The following DIPK1C variants were observed in gnomAD, a reference collection of about 807,000 sequenced individuals.
DIPK1C encodes divergent protein kinase domain 1C.
A neutral mutation model predicts 28.0 loss-of-function variants in DIPK1C; 33 were observed. That is an observed-to-expected ratio of 1.18 (90% CI 0.89 to 1.58). The LOEUF is 1.58. Ranked by LOEUF, DIPK1C falls within the 40% of genes most tolerant of loss-of-function variation. The probability of loss-of-function intolerance (pLI) is 0.00; values close to 1 mark genes in which losing one functional copy is unlikely to be tolerated. For missense variants in DIPK1C, 569 were observed against 568.5 expected, an observed-to-expected ratio of 1.00 and a Z score of -0.01; for synonymous variants, 255 against 248.8, an observed-to-expected ratio of 1.02 and a Z score of -0.23.
the DIPK1C span, among the ~76,000 whole-genome samples, chr18:74,464,513 C>A: frequency 6.6e-6 from 1 of 152,234 alleles, no homozygotes. Context: ...AATAAACTTA[C>A]ACTTGGCACG....
At position 74,446,644 on chromosome 18, in the gene DIPK1C, T is replaced by A; in HGVS notation, c.838A>T (p.Ile280Phe). The A allele has an allele frequency of 2.0e-6, 3 of 1,475,578 alleles. No homozygotes were observed. The highest frequency in any genetic ancestry group is 2.7e-6 in the Non-Finnish European group (3 of 1,110,878). The allele number at this position is 1,475,578 out of a possible 1,614,324, so 91.4% of individuals were successfully genotyped here. The stretch of plus-strand genomic sequence containing the variant: ...CGGATGGCAAAGTTTTCCGGCTTGA[T>A]GTCGCAGAGGTGGAGGCGGTGGGAA... ...DFSHRLHLCD[I>F]KPENFAIRSD... The change falls in exon 2 of 4, where the codon ATC (isoleucine) becomes TTC (phenylalanine). Residue 280 changes from isoleucine (I) to phenylalanine (F), a missense_variant. Ile to Phe is a conservative substitution (Grantham distance 21). Coordinates refer to ENST00000343998, the MANE Select transcript of DIPK1C (RefSeq NM_001044369.3).
chr18:74,459,519 G>A (rs1175275240), upstream of DIPK1C, among the ~76,000 whole-genome samples: 1 of 152,214 alleles, frequency 6.6e-6, no homozygotes, highest in African/African-American at 2.4e-5. Flanking sequence ...TTATTTTGCA[G>A]TTTTGCCTAG....
intron 3 of DIPK1C, among the ~76,000 whole-genome samples, chr18:74,441,715 C>A (rs1986128149): frequency 6.6e-6 from 1 of 152,176 alleles, no homozygotes; most frequent in Non-Finnish European, 1.5e-5. Context: ...CAGCAGCCAG[C>A]TCTGCAGGGA....
upstream of DIPK1C, chr18:74,457,329 C>A: frequency 1.7e-5 from 16 of 961,782 alleles, no homozygotes; most frequent in Non-Finnish European, 2.0e-5. Flanking sequence ...GTAGCTGCTC[C>A]GCGGCTCAGG....
In DIPK1C at chr18:74,446,601, C is replaced by T; in HGVS notation, c.876+5G>A. The T allele has an allele frequency of 2.8e-6, 4 of 1,452,466 alleles. No homozygotes were observed. The African/African-American group carries it at 5.7e-5, about 21-fold the overall frequency. The allele number at this position is 1,452,466 out of a possible 1,614,324, so 90.0% of individuals were successfully genotyped here. On this transcript the variant is annotated splice_donor_5th_base_variant and intron_variant, in intron 2 of 3. Transcript: ENST00000343998. The stretch of plus-strand genomic sequence containing the variant: ...CACATAAACACACCGACCTGCGCCA[C>T]TTACTGTGAAGTCGCTCCGGATGGC...
intron 2 of DIPK1C, among the ~76,000 whole-genome samples, chr18:74,442,592 G>T (rs1299597836): frequency 6.6e-6 from 1 of 152,212 alleles, no homozygotes; most frequent in Non-Finnish European, 1.5e-5. Flanking sequence ...GCCTCCCAAA[G>T]TGCTGGGATT....
intron 3 of DIPK1C, among the ~76,000 whole-genome samples, chr18:74,438,544 C>T (rs1035132238): frequency 1.3e-5 from 2 of 152,230 alleles, no homozygotes; most frequent in African/African-American, 2.4e-5. Flanking sequence ...GCAAACGCCA[C>T]AGATTCATTT....
In DIPK1C at chr18:74,447,845, G is replaced by A. The variant is rs1360513018; in HGVS notation, c.199-562C>T. On this transcript the variant is annotated intron_variant, in intron 1 of 3. Transcript: ENST00000343998. The surrounding 1 kb of genome is among the most constrained non-coding windows in gnomAD (Gnocchi z 4.1). ...GCCCTATAAAGCTTGCAGGCTGCAGGTTTGCAGATGTTTAGAGGAGAAGCC... is the reference window on the plus strand; with the variant it reads ...GCCCTATAAAGCTTGCAGGCTGCAGATTTGCAGATGTTTAGAGGAGAAGCC... Among the ~76,000 whole-genome samples, 1 of 152,204 alleles carries A rather than the reference G, an allele frequency of 6.6e-6. No individual in the cohort carries two copies. Among genetic ancestry groups the A allele is most frequent in the Non-Finnish European group, 1.5e-5 (1 of 68,044 alleles).
At chr18:74,437,856 T>TC in intron 3 of DIPK1C, among the ~76,000 whole-genome samples, 1 of 152,196 alleles carries the variant, frequency 6.6e-6, no homozygotes. Flanking sequence ...TTCTCAAATT[T>TC]CCACCCCCAT....
chr18:74,451,691 C>T (rs141485582), intron 1 of DIPK1C, among the ~76,000 whole-genome samples: 326 of 152,302 alleles, frequency 2.1e-3, no homozygotes, highest in African/African-American at 7.5e-3. Context: ...GCCTCCCTGA[C>T]GCCTGCTTCT....
chr18:74,462,175 C>T (rs974957606), upstream of DIPK1C, among the ~76,000 whole-genome samples: 1 of 152,188 alleles, frequency 6.6e-6, no homozygotes, highest in African/African-American at 2.4e-5. Context: ...GTTCTGCAGC[C>T]ATCACCAACA....
upstream of DIPK1C, among the ~76,000 whole-genome samples, chr18:74,461,034 T>C (rs797019770): frequency 6.6e-6 from 1 of 152,300 alleles, no homozygotes; most frequent in African/African-American, 2.4e-5. Context: ...CGAAGGCCAG[T>C]CCCAGGGCCA....
At chr18:74,451,047 G>A (rs1016955682) in intron 1 of DIPK1C, among the ~76,000 whole-genome samples, 1 of 152,188 alleles carries the variant, frequency 6.6e-6, no homozygotes, top group African/African-American at 2.4e-5. Context: ...TCCAGCCCTG[G>A]CCAGGAAAGG....
chr18:74,454,985 C>T (rs150152204), intron 1 of DIPK1C, among the ~76,000 whole-genome samples: 43 of 152,258 alleles, frequency 2.8e-4, no homozygotes, highest in Middle Eastern at 3.4e-3. Flanking sequence ...GTGGAGACAG[C>T]GTCACATCGA....
At position 74,446,761 on chromosome 18, in the gene DIPK1C, C is replaced by A; in HGVS notation, c.721G>T (p.Ala241Ser). ...TGGCCACCCCCAGGGGCACCTGGGG[C>A]CCGGTCCAGGGGGAAGAGTGCCCTG... ...HHRALFPLDR[A>S]PGAPGGGQAK... Residue 241 changes from alanine to serine, a missense_variant, in exon 2 of 4, where the codon GCC (alanine) becomes TCC (serine). Physicochemically the swap from Ala to Ser is moderately conservative, Grantham distance 99 (BLOSUM62 1). Transcript: ENST00000343998. 1 of 1,522,468 alleles carries A rather than the reference C, an allele frequency of 6.6e-7. No individual in the cohort carries two copies. The highest frequency in any genetic ancestry group is 8.8e-7 in the Non-Finnish European group (1 of 1,132,170). 94.3% of individuals were successfully genotyped at this position (1,522,468 alleles called of 1,614,324 possible).
At position 74,436,683 on chromosome 18, in the gene DIPK1C, C is replaced by G; in HGVS notation, c.1078G>C (p.Ala360Pro). 1.2e-6 allele frequency: 2 copies of G among 1,613,726 alleles called. No homozygotes were observed. The highest frequency in any genetic ancestry group is 1.7e-6 in the Non-Finnish European group (2 of 1,179,904). ...GAGACCGCAGAGCTCTTGAGAGGCG[C>G]GGAAAACCAATGGCGAAATATTTTG... ...CDKIFRHWFSAPLKSSAVSFQ... is the reference protein window; with the variant it reads ...CDKIFRHWFSPPLKSSAVSFQ... The change falls in exon 4 of 4, where the codon GCG becomes CCG. Residue 360 changes from alanine to proline, a missense_variant. Coordinates refer to ENST00000343998, the MANE Select transcript of DIPK1C (RefSeq NM_001044369.3).
In DIPK1C at chr18:74,436,024, C is replaced by T; in HGVS notation, c.*477G>A. 5.2e-6 allele frequency: 1 copy of T among 191,510 alleles called. No homozygotes were observed. The highest frequency in any genetic ancestry group is 1.1e-5 in the Non-Finnish European group (1 of 91,772). The allele number at this position is 191,510 out of a possible 1,614,324, so 11.9% of individuals were successfully genotyped here. On this transcript the variant is annotated 3_prime_UTR_variant, in exon 4 of 4. Transcript: ENST00000343998. ...CACCACACTCACCTGTGCACACTCA[C>T]CTGTGCACACTCACACACATGCAGA... is the stretch of plus-strand genomic sequence containing the variant.
intron 2 of DIPK1C, among the ~76,000 whole-genome samples, chr18:74,442,497 T>G (rs1350321658): frequency 6.6e-6 from 1 of 151,192 alleles, no homozygotes; most frequent in East Asian, 1.9e-4. Flanking sequence ...CCCGGCTAAT[T>G]TTTTTGTATT....
At chr18:74,439,874 TAAAG>T (rs1986079854) in intron 3 of DIPK1C, among the ~76,000 whole-genome samples, 1 of 150,848 alleles carries the variant, frequency 6.6e-6, no homozygotes, top group African/African-American at 2.4e-5. Context: ...ATAAAATAGA[TAAAG>T]AAAATTGTAA....
Sources: gnomAD v4.1 joint callset for allele counts (sites outside exome capture counted in the v4.1 genomes callset) on GRCh38, gnomAD v4.1.1 for gene constraint, Gnocchi (gnomAD v3.1) non-coding constraint, MANE v1.5 for transcripts, NCBI Gene and HGNC (gene_info 2026-07-23, HGNC 2026-07-21) for gene names.